The following IFT52 variants were observed in gnomAD, a reference collection of about 807,000 sequenced individuals.
IFT52 encodes the protein intraflagellar transport 52, also known as intraflagellar transport protein 52 homolog.
Under a neutral mutation model 54.4 loss-of-function variants are expected in IFT52, and 44 were observed. That is an observed-to-expected ratio of 0.81 (90% CI 0.63 to 1.04). IFT52 has a LOEUF of 1.04. Among genes scored for constraint, IFT52 ranks in the 50% least tolerant of loss-of-function variants. The probability of loss-of-function intolerance (pLI) is 0.00; values close to 1 mark genes in which losing one functional copy is unlikely to be tolerated. For missense variants in IFT52, 452 were observed against 523.6 expected, an observed-to-expected ratio of 0.86 and a Z score of 1.33; for synonymous variants, 181 against 185.3, an observed-to-expected ratio of 0.98 and a Z score of 0.19.
chr20:43,596,974 CT>C (rs1193421860), intron 3 of IFT52, among the ~76,000 whole-genome samples: 1 of 151,646 alleles, frequency 6.6e-6, no homozygotes, highest in Non-Finnish European at 1.5e-5. Flanking sequence ...AACTCCTGAC[CT>C]TGTGATCTGC....
Position 43,590,990 on chromosome 20 carries a change from G to T in IFT52, c.-71G>T, listed in dbSNP as rs1981455376. ...CGACGCGCCTCTCCGGTTACTAAGCGGCCTTGGATACCTGGCCGCGGGATG... is the reference window on the plus strand; with the variant it reads ...CGACGCGCCTCTCCGGTTACTAAGCTGCCTTGGATACCTGGCCGCGGGATG... On this transcript the variant is annotated 5_prime_UTR_variant, in exon 1 of 14. Transcript: ENST00000373030. The T allele has an allele frequency of 6.6e-6, 1 of 152,244 alleles. No individual in the cohort carries two copies. The highest frequency in any genetic ancestry group is 2.1e-4 in the South Asian group (1 of 4,834). The allele number at this position is 152,244 out of a possible 1,614,324, so 9.4% of individuals were successfully genotyped here.
At chr20:43,602,287 C>G (rs988255070) in intron 3 of IFT52, among the ~76,000 whole-genome samples, 9 of 151,700 alleles carry the variant, frequency 5.9e-5, no homozygotes, top group Non-Finnish European at 1.3e-4. Context: ...GCCTCAGCCT[C>G]CCGAGTAGCG....
intron 9 of IFT52, 140 bp downstream of exon 9, chr20:43,621,065 A>G (rs1600489966): frequency 1.6e-6 from 1 of 625,628 alleles, no homozygotes; most frequent in South Asian, 2.4e-5. Flanking sequence ...TTTGGGGGAG[A>G]TGAAGGCCAT....
At chr20:43,596,019 T>C (rs140114691) in intron 2 of IFT52, among the ~76,000 whole-genome samples, 3 of 152,378 alleles carry the variant, frequency 2.0e-5, no homozygotes, top group African/African-American at 7.2e-5. Flanking sequence ...CTTTTTAAGA[T>C]GTTAGAGGCT....
intron 10 of IFT52, among the ~76,000 whole-genome samples, chr20:43,628,799 C>G (rs1033531558): frequency 6.6e-6 from 1 of 151,544 alleles, no homozygotes; most frequent in Non-Finnish European, 1.5e-5. Flanking sequence ...TGCAGTGAGC[C>G]GAGATCGCGC....
chr20:43,602,143 T>TTTATTTATTTATTTATTTA (rs11472130), intron 3 of IFT52, among the ~76,000 whole-genome samples: 61 of 145,642 alleles, frequency 4.2e-4, no homozygotes, highest in Middle Eastern at 3.6e-3. Context: ...CTGATTTTTA[T>TTTATTTATTTATTTATTTA]TTTATTTATT....
intron 10 of IFT52, among the ~76,000 whole-genome samples, chr20:43,628,409 A>C (rs1260302535): frequency 6.6e-6 from 1 of 152,126 alleles, no homozygotes; most frequent in Non-Finnish European, 1.5e-5. Context: ...AGCTTTGTTT[A>C]CGCTGTAAAG....
At chr20:43,634,708 A>T (rs974144173) in intron 10 of IFT52, among the ~76,000 whole-genome samples, 16 of 151,758 alleles carry the variant, frequency 1.1e-4, no homozygotes, top group African/African-American at 3.9e-4. Flanking sequence ...AACTTGTGTC[A>T]TGGGGGTTTG....
intron 9 of IFT52, among the ~76,000 whole-genome samples, chr20:43,622,786 A>G (rs893205997): frequency 3.4e-5 from 5 of 146,440 alleles, no homozygotes; most frequent in South Asian, 2.1e-4. Flanking sequence ...AAATATAAAT[A>G]TATACATATT....
At chr20:43,643,192 CA>C (rs1265564639) in intron 13 of IFT52, among the ~76,000 whole-genome samples, 10 of 129,692 alleles carry the variant, frequency 7.7e-5, no homozygotes, top group South Asian at 5.2e-4. Context: ...CAAAACAAAA[CA>C]AAAAAAAAAC....
intron 13 of IFT52, among the ~76,000 whole-genome samples, chr20:43,646,155 G>A (rs1986185600): frequency 1.3e-5 from 2 of 150,958 alleles, no homozygotes; most frequent in Non-Finnish European, 2.9e-5. Flanking sequence ...AGCTTGCAGT[G>A]AGCCGAGATC....
chr20:43,640,402 G>A (rs950272985), intron 12 of IFT52, among the ~76,000 whole-genome samples: 2 of 152,152 alleles, frequency 1.3e-5, no homozygotes, highest in Non-Finnish European at 2.9e-5. Context: ...GGAGGTTGCA[G>A]TAAGCCAAGA....
rs979184435 is a variant in IFT52, at chr20:43,647,144, T to A, written c.*161T>A. On this transcript the variant is annotated 3_prime_UTR_variant, in exon 14 of 14. Coordinates refer to ENST00000373030, the MANE Select transcript of IFT52 (RefSeq NM_016004.5). The stretch of plus-strand genomic sequence containing the variant: ...TGTAATACTCAGATAGGTATAAGAT[T>A]TTTCACAAAATCCTTATGTAAGATA... 1 of 629,046 alleles carries A rather than the reference T, an allele frequency of 1.6e-6. No individual in the cohort carries two copies. The highest frequency in any genetic ancestry group is 2.8e-6 in the Non-Finnish European group (1 of 357,932). 39.0% of individuals were successfully genotyped at this position (629,046 alleles called of 1,614,324 possible).
At chr20:43,610,473 C>A (rs1466295525) in intron 6 of IFT52, among the ~76,000 whole-genome samples, 1 of 152,014 alleles carries the variant, frequency 6.6e-6, no homozygotes, top group Non-Finnish European at 1.5e-5. Context: ...GTGACTCACG[C>A]CTGTAATTCC....
intron 12 of IFT52, chr20:43,642,255 T>C: frequency 2.2e-6 from 1 of 453,582 alleles, no homozygotes; most frequent in Non-Finnish European, 3.9e-6. Flanking sequence ...CCAGTACCAG[T>C]CCAGTTTTAT....
intron 3 of IFT52, among the ~76,000 whole-genome samples, chr20:43,603,103 T>G (rs530661714): frequency 6.6e-6 from 1 of 152,304 alleles, no homozygotes; most frequent in African/African-American, 2.4e-5. Flanking sequence ...ACTATTTGTC[T>G]GGACCACCCA....
chr20:43,622,158 A>G lies in IFT52; in HGVS notation c.768+1233A>G, dbSNP rs370483583. ...AGAAGACAGTCGAAGATGGCTGTCCACTGACTGCTTCCTCCCTCACTAGGG... is the reference window on the plus strand; with the variant it reads ...AGAAGACAGTCGAAGATGGCTGTCCGCTGACTGCTTCCTCCCTCACTAGGG... On this transcript the variant is annotated intron_variant, in intron 9 of 13. Coordinates refer to ENST00000373030, the MANE Select transcript of IFT52 (RefSeq NM_016004.5). Among the ~76,000 whole-genome samples, 8 of 152,322 alleles carry G rather than the reference A, an allele frequency of 5.3e-5. No individual in the cohort carries two copies. In the East Asian group the frequency reaches 1.3e-3, roughly 26 times the overall value.
At chr20:43,623,836 A>G in intron 9 of IFT52, 55 bp from the exon 10 acceptor site, 1 of 1,569,678 alleles carries the variant, frequency 6.4e-7, no homozygotes, top group Non-Finnish European at 8.7e-7. Context: ...TGGAGACTTG[A>G]CAGAATAAAT....
intron 9 of IFT52, among the ~76,000 whole-genome samples, chr20:43,622,870 CTGTTGGCAGGCATTTA>C (rs1984447428): frequency 6.7e-6 from 1 of 149,634 alleles, no homozygotes; most frequent in Non-Finnish European, 1.5e-5. Flanking sequence ...AACCACTCTC[CTGTTGGCAGGCATTTA>C]TGTTTTCCTG....
Sources: gnomAD v4.1 joint callset for allele counts (sites outside exome capture counted in the v4.1 genomes callset) on GRCh38, gnomAD v4.1.1 for gene constraint, MANE v1.5 for transcripts, NCBI Gene and HGNC (gene_info 2026-07-23, HGNC 2026-07-21) for gene names.